Variants in WDR33 observed in about 807,000 individuals in gnomAD.
The protein encoded by WDR33 is pre-mRNA 3' end processing protein WDR33.
Under a neutral mutation model 164.9 loss-of-function variants are expected in WDR33, and 47 were observed. The observed-to-expected ratio is 0.29, with a 90% CI of 0.23 to 0.36. WDR33 has a LOEUF of 0.36. Ranked by LOEUF, WDR33 falls within the 10% of genes least tolerant of loss-of-function variation. WDR33 has a pLI of 1.00. For missense variants in WDR33, 1,137 were observed against 1,754.1 expected, an observed-to-expected ratio of 0.65 and a Z score of 6.28; for synonymous variants, 505 against 589.0, an observed-to-expected ratio of 0.86 and a Z score of 2.06.
chr2:127,773,630 T>C (rs60514756), intron 1 of WDR33, among the ~76,000 whole-genome samples: 3,574 of 152,276 alleles, frequency 0.023, 37 homozygotes, highest in East Asian at 0.03. Context: ...AACTAAGCAG[T>C]TGATTCAATA....
chr2:127,701,306 A>G lies in WDR33; in HGVS notation c.*5017T>C, dbSNP rs1040605614. On this transcript the variant is annotated 3_prime_UTR_variant, in exon 22 of 22. Transcript: ENST00000322313. ...CCTACTCCGAACAAGGAAGAGGGTC[A>G]GGCGCTGGGAGGGCGACTGCAAGCG... 5.5e-5 allele frequency: 20 copies of G among 362,422 alleles called. 1 individual carries two copies. Among genetic ancestry groups the G allele is most frequent in the South Asian group, 1.5e-4 (1 of 6,892 alleles). The allele number at this position is 362,422 out of a possible 1,614,324, so 22.5% of individuals were successfully genotyped here. A position where few individuals can be genotyped will look rare whatever the true frequency, so the allele number is the denominator to read the frequency against.
intron 18 of WDR33, among the ~76,000 whole-genome samples, chr2:127,711,780 A>ATATATATATATATATATATTTTTT: frequency 2.3e-5 from 2 of 88,320 alleles, no homozygotes; most frequent in African/African-American, 1.3e-4. Context: ...ATATATATAT[A>ATATATATATATATATATATTTTTT]TTTTTTTTTT....
rs1233039015 is a variant in WDR33 at position 127,709,206 on chromosome 2, C to A, written c.3565+284G>T. Among the ~76,000 whole-genome samples the A allele has an allele frequency of 6.6e-6, 1 of 152,160 alleles. No individual in the cohort carries two copies. The highest frequency in any genetic ancestry group is 1.9e-4 in the East Asian group (1 of 5,204). The stretch of plus-strand genomic sequence containing the variant: ...ATATTTACCATATTAGCAATTGAGA[C>A]TGGGGAAATTTTAATTCACTTAACT... On this transcript the variant is annotated intron_variant, in intron 20 of 21. Transcript: ENST00000322313. The surrounding 1 kb of genome is among the most constrained non-coding windows in gnomAD (Gnocchi z 5.0).
At chr2:127,767,057 G>A (rs1225298798) in intron 4 of WDR33, among the ~76,000 whole-genome samples, 1 of 152,124 alleles carries the variant, frequency 6.6e-6, no homozygotes, top group Non-Finnish European at 1.5e-5. Context: ...TGTGTCTACT[G>A]CCTAAGGCCT....
At chr2:127,793,121 G>T (rs1688898661) in intron 1 of WDR33, among the ~76,000 whole-genome samples, 1 of 152,122 alleles carries the variant, frequency 6.6e-6, no homozygotes, top group Non-Finnish European at 1.5e-5. Flanking sequence ...AATATCTAAT[G>T]ATTTGGTACA....
At chr2:127,780,459 T>C (rs894675803) in intron 1 of WDR33, among the ~76,000 whole-genome samples, 2 of 152,200 alleles carry the variant, frequency 1.3e-5, no homozygotes, top group Non-Finnish European at 2.9e-5. Context: ...ATGATCAACA[T>C]GCTCTTTCTC....
intron 1 of WDR33, among the ~76,000 whole-genome samples, chr2:127,808,553 A>T (rs978924995): frequency 6.6e-6 from 1 of 152,242 alleles, no homozygotes; most frequent in African/African-American, 2.4e-5. Context: ...TTCAGTCTCT[A>T]GGACTAATGT....
chr2:127,766,823 G>A (rs1360438020), intron 4 of WDR33, among the ~76,000 whole-genome samples: 2 of 151,392 alleles, frequency 1.3e-5, no homozygotes, highest in Admixed American at 1.3e-4. Flanking sequence ...AGGCTAGAGT[G>A]CAGTGGCACA....
chr2:127,724,812 A>G lies in WDR33; in HGVS notation c.1085+75T>C. ...ATATATGAACACTTAGAAAAGCTAC[A>G]AAACTATCATGTCTGCACACATTCA... is the stretch of plus-strand genomic sequence containing the variant. On this transcript the variant is annotated intron_variant, in intron 10 of 21. Transcript: ENST00000322313. The surrounding 1 kb of genome is among the most constrained non-coding windows in gnomAD (Gnocchi z 4.8). 6.6e-7 allele frequency: 1 copy of G among 1,516,664 alleles called. No individual in the cohort carries two copies. Among genetic ancestry groups the G allele is most frequent in the Non-Finnish European group, 9.2e-7 (1 of 1,092,646 alleles). The allele number at this position is 1,516,664 out of a possible 1,614,324, so 94.0% of individuals were successfully genotyped here.
chr2:127,757,892 G>C (rs1429814347), intron 7 of WDR33, among the ~76,000 whole-genome samples: 1 of 152,110 alleles, frequency 6.6e-6, no homozygotes, highest in Non-Finnish European at 1.5e-5. Context: ...ATCTCATGTA[G>C]TATAAACCAC....
Position 127,811,104 on chromosome 2 carries a change from C to G in WDR33, c.-116G>C, listed in dbSNP as rs574156366. 1 of 152,846 alleles carries G rather than the reference C, an allele frequency of 6.5e-6. No homozygotes were observed. Among genetic ancestry groups the G allele is most frequent in the East Asian group, 1.9e-4 (1 of 5,194 alleles). 9.5% of individuals were successfully genotyped at this position (152,846 alleles called of 1,614,324 possible). ...TCTTGTTTGGTCTCCCCACCCCGAT[C>G]CTCTCAATCCCGCTCCTCCAAAGGA... On this transcript the variant is annotated 5_prime_UTR_variant, in exon 1 of 22. Transcript: ENST00000322313. This position sits in a 1 kb window ranked among gnomAD's most constrained non-coding sequence, Gnocchi z 4.1.
chr2:127,797,810 G>A (rs909701146), intron 1 of WDR33, among the ~76,000 whole-genome samples: 3 of 152,066 alleles, frequency 2.0e-5, no homozygotes, highest in Admixed American at 6.5e-5. Context: ...TCAGAAGTTC[G>A]AGACCAGTCT....
At chr2:127,754,309 T>C (rs908977499) in intron 7 of WDR33, among the ~76,000 whole-genome samples, 2 of 152,172 alleles carry the variant, frequency 1.3e-5, no homozygotes, top group African/African-American at 4.8e-5. Flanking sequence ...CGACCATCCG[T>C]CTGAAAAGGA....
At chr2:127,747,268 G>A (rs1462032212) in intron 7 of WDR33, among the ~76,000 whole-genome samples, 1 of 152,034 alleles carries the variant, frequency 6.6e-6, no homozygotes, top group African/African-American at 2.4e-5. Flanking sequence ...ATTATGTACT[G>A]TACCTAATAA....
chr2:127,713,501 AAAG>A lies in WDR33; in HGVS notation c.3308+79_3308+81del. The A allele has an allele frequency of 6.8e-7, 1 of 1,465,458 alleles. No individual in the cohort carries two copies. The allele number at this position is 1,465,458 out of a possible 1,614,324, so 90.8% of individuals were successfully genotyped here. Reference sequence around the variant, plus strand: ...TGATATAATTCTCTTTCCTCAAGAAAAAGAAGAAAGAGACCTTTGTGGAGACAG... The same window carrying A: ...TGATATAATTCTCTTTCCTCAAGAAAAAGAAAGAGACCTTTGTGGAGACAG... On this transcript the variant is annotated intron_variant, in intron 18 of 21. Transcript: ENST00000322313. The surrounding 1 kb of genome is among the most constrained non-coding windows in gnomAD (Gnocchi z 6.2).
At chr2:127,782,493 G>A (rs1573452940) in intron 1 of WDR33, among the ~76,000 whole-genome samples, 2 of 152,040 alleles carry the variant, frequency 1.3e-5, no homozygotes, top group Admixed American at 6.5e-5. Context: ...GTTCAGGTAC[G>A]GCCTTAGTTG....
At chr2:127,755,361 A>G (rs975384309) in intron 7 of WDR33, among the ~76,000 whole-genome samples, 4 of 152,212 alleles carry the variant, frequency 2.6e-5, no homozygotes, top group African/African-American at 9.6e-5. Flanking sequence ...CTCACAGGTA[A>G]CAAACATCCA....
chr2:127,802,939 C>T (rs1383011872), intron 1 of WDR33, among the ~76,000 whole-genome samples: 2 of 152,040 alleles, frequency 1.3e-5, no homozygotes, highest in South Asian at 2.1e-4. Context: ...CAAAACTGCA[C>T]CACTACACTC....
At chr2:127,765,855 C>T (rs886248461) in intron 4 of WDR33, among the ~76,000 whole-genome samples, 5 of 150,102 alleles carry the variant, frequency 3.3e-5, no homozygotes, top group South Asian at 2.1e-4. Context: ...ATAACTCTTA[C>T]GCTGATCTAC....
Sources: gnomAD v4.1 joint callset for allele counts (sites outside exome capture counted in the v4.1 genomes callset) on GRCh38, gnomAD v4.1.1 for gene constraint, Gnocchi (gnomAD v3.1) non-coding constraint, MANE v1.5 for transcripts, NCBI Gene and HGNC (gene_info 2026-07-23, HGNC 2026-07-21) for gene names.